Variants in CAMTA1 observed in about 807,000 individuals in gnomAD.
The protein encoded by CAMTA1 is calmodulin binding transcription activator 1.
A neutral mutation model predicts 170.9 loss-of-function variants in CAMTA1; 27 were observed. That is an observed-to-expected ratio of 0.16 (90% CI 0.12 to 0.22). CAMTA1 has a LOEUF of 0.22. Ranked by LOEUF, CAMTA1 falls within the 10% of genes least tolerant of loss-of-function variation. CAMTA1 has a pLI of 1.00. For missense variants in CAMTA1, 1,619 were observed against 2,217.2 expected (o/e 0.73, Z 5.42); for synonymous variants, 833 against 891.5 (o/e 0.93, Z 1.17).
chr1:6,872,076 A>G (rs981843147), intron 3 of CAMTA1: 1 of 715,990 alleles, frequency 1.4e-6, no homozygotes. Flanking sequence ...GCATTTCCCC[A>G]TACAGTATAT....
At chr1:7,699,750 G>GCATTTC (rs1263906520) in intron 11 of CAMTA1, among the ~76,000 whole-genome samples, 1 of 152,154 alleles carries the variant, frequency 6.6e-6, no homozygotes, top group Admixed American at 6.5e-5. Context: ...GTTTTGATTT[G>GCATTTC]CATTTCCTCA....
chr1:6,936,330 G>A (rs574451262), intron 3 of CAMTA1, among the ~76,000 whole-genome samples: 108 of 152,348 alleles, frequency 7.1e-4, no homozygotes, highest in African/African-American at 2.5e-3. Context: ...TTAGTACAAA[G>A]TGATGGCATT....
rs558955624 is a variant in CAMTA1 at position 7,721,707 on chromosome 1, G to A, written c.2915-10741G>A. 1.2e-4 allele frequency among the ~76,000 whole-genome samples: 18 copies of A among 152,240 alleles called. 1 individual carries two copies. Among genetic ancestry groups the A allele is most frequent in the African/African-American group, 4.3e-4 (18 of 41,558 alleles). On this transcript the variant is annotated intron_variant, in intron 11 of 22. Coordinates refer to ENST00000303635, the MANE Select transcript of CAMTA1 (RefSeq NM_015215.4). Reference sequence around the variant, plus strand: ...ATTTTATTTTGTATGTTCAGGAGGAGGGATTTATTTTACCTTATTTTTATT... The same window carrying A: ...ATTTTATTTTGTATGTTCAGGAGGAAGGATTTATTTTACCTTATTTTTATT...
At position 7,767,806 on chromosome 1, in the gene CAMTA1, C is replaced by T. The variant is rs2097032112; in HGVS notation, c.*1315C>T. The T allele has an allele frequency of 7.4e-6, 1 of 135,430 alleles. No homozygotes were observed. The highest frequency in any genetic ancestry group is 8.0e-5 in the Admixed American group (1 of 12,442). The allele number at this position is 135,430 out of a possible 1,614,324, so 8.4% of individuals were successfully genotyped here. ...ATAAGAGTACTTTATTTTAAATGTT[C>T]TTTAGGAGAACATTTTGCTAAAGCA... On this transcript the variant is annotated 3_prime_UTR_variant, in exon 23 of 23. Coordinates refer to ENST00000303635, the MANE Select transcript of CAMTA1 (RefSeq NM_015215.4).
chr1:7,577,310 T>C (rs1486542456), intron 6 of CAMTA1, among the ~76,000 whole-genome samples: 2 of 152,042 alleles, frequency 1.3e-5, no homozygotes, highest in Non-Finnish European at 2.9e-5. Context: ...GGCCCCCCCT[T>C]GTGCTTATTT....
At position 7,747,917 on chromosome 1, in the gene CAMTA1, T is replaced by A. The variant is rs542333935; in HGVS notation, c.4689+136T>A. ...TTTGTTTTTTGGTTGTTTTTTTTTT[T>A]TTATTTTTTTTTTGAAACGGAGTCT... On this transcript the variant is annotated intron_variant, in intron 19 of 22. Coordinates refer to ENST00000303635, the MANE Select transcript of CAMTA1 (RefSeq NM_015215.4). 27 of 571,394 alleles carry A rather than the reference T, an allele frequency of 4.7e-5. 1 individual carries two copies. The highest frequency in any genetic ancestry group is 2.7e-4 in the Middle Eastern group (1 of 3,702). 35.4% of individuals were successfully genotyped at this position (571,394 alleles called of 1,614,324 possible). A position where few individuals can be genotyped will look rare whatever the true frequency, so the allele number is the denominator to read the frequency against.
chr1:7,655,059 AACACACCCACCTATACAC>A (rs1376328570), intron 7 of CAMTA1, among the ~76,000 whole-genome samples: 9 of 85,348 alleles, frequency 1.1e-4, no homozygotes, highest in African/African-American at 3.3e-4. Flanking sequence ...CACCTATACA[AACACACCCACCTATACAC>A]ACACACCCAC....
intron 6 of CAMTA1, among the ~76,000 whole-genome samples, chr1:7,543,412 G>C (rs1399820821): frequency 6.6e-6 from 1 of 152,134 alleles, no homozygotes; most frequent in African/African-American, 2.4e-5. Context: ...CATTTACCCC[G>C]AGATAGCTTT....
chr1:6,943,953 C>A (rs533808369), intron 3 of CAMTA1, among the ~76,000 whole-genome samples: 20 of 151,656 alleles, frequency 1.3e-4, no homozygotes, highest in Admixed American at 1.2e-3. Context: ...GTGGTACCAT[C>A]ACCATCTCCA....
intron 4 of CAMTA1, among the ~76,000 whole-genome samples, chr1:7,222,143 C>T (rs767292620): frequency 1.8e-4 from 28 of 152,162 alleles, no homozygotes; most frequent in Non-Finnish European, 3.1e-4. Flanking sequence ...GGACCAAGCA[C>T]GATTTCCAGC....
At chr1:6,836,984 C>G (rs1042435524) in intron 3 of CAMTA1, among the ~76,000 whole-genome samples, 1 of 149,192 alleles carries the variant, frequency 6.7e-6, no homozygotes, top group Non-Finnish European at 1.5e-5. Flanking sequence ...GTTGCATAGG[C>G]TGGAGTGCAG....
chr1:7,750,621 C>T (rs1396426050), intron 19 of CAMTA1, among the ~76,000 whole-genome samples: 2 of 152,326 alleles, frequency 1.3e-5, no homozygotes, highest in Middle Eastern at 3.4e-3. Flanking sequence ...CCAGGTTTCA[C>T]GGCTTCACCA....
intron 5 of CAMTA1, among the ~76,000 whole-genome samples, chr1:7,381,407 C>T (rs1221434967): frequency 6.7e-6 from 1 of 150,244 alleles, no homozygotes; most frequent in Admixed American, 6.7e-5. Context: ...ATGCGGTGTT[C>T]GGTTTTTTGT....
intron 3 of CAMTA1, chr1:6,871,778 T>G: frequency 2.0e-6 from 3 of 1,534,910 alleles, no homozygotes. Flanking sequence ...CAGCCGTCCT[T>G]TTGGATTTCT....
intron 11 of CAMTA1, among the ~76,000 whole-genome samples, chr1:7,688,003 C>T (rs1576882490): frequency 2.0e-5 from 2 of 99,124 alleles, no homozygotes; most frequent in South Asian, 7.3e-4. Context: ...GTCGGACTCT[C>T]ATTATTCCTT....
chr1:7,496,975 G>A (rs2093838492), intron 6 of CAMTA1, among the ~76,000 whole-genome samples: 1 of 151,296 alleles, frequency 6.6e-6, no homozygotes, highest in African/African-American at 2.4e-5. Flanking sequence ...GCACAGCCCG[G>A]GAAGGGAGGC....
chr1:7,732,953 G>A lies in CAMTA1; in HGVS notation c.3066+354G>A, dbSNP rs1039461812. On this transcript the variant is annotated intron_variant, in intron 12 of 22. Transcript: ENST00000303635. This position sits in a 1 kb window ranked among gnomAD's most constrained non-coding sequence, Gnocchi z 4.1. ...TCACGCCTATAATCCCAGCGCTGTAGGAGGCCAAGACGGGAGGATTGCTTG... is the reference window on the plus strand; with the variant it reads ...TCACGCCTATAATCCCAGCGCTGTAAGAGGCCAAGACGGGAGGATTGCTTG... Among the ~76,000 whole-genome samples the A allele has an allele frequency of 2.6e-5, 4 of 152,180 alleles. No individual in the cohort carries two copies. Among genetic ancestry groups the A allele is most frequent in the African/African-American group, 9.7e-5 (4 of 41,428 alleles).
At chr1:6,963,687 C>G (rs1557894063) in intron 3 of CAMTA1, among the ~76,000 whole-genome samples, 1 of 152,204 alleles carries the variant, frequency 6.6e-6, no homozygotes, top group Non-Finnish European at 1.5e-5. Flanking sequence ...CCTCCCCAGA[C>G]CTGGTGGGGC....
intron 6 of CAMTA1, among the ~76,000 whole-genome samples, chr1:7,603,568 A>G (rs1242894957): frequency 1.3e-5 from 2 of 152,048 alleles, no homozygotes; most frequent in African/African-American, 2.4e-5. Context: ...TTTTGAGCCT[A>G]TGTGTGTCTC....
Sources: allele counts gnomAD v4.1 joint callset (sites outside exome capture counted in the v4.1 genomes callset), GRCh38; gene constraint gnomAD v4.1.1; non-coding constraint Gnocchi (gnomAD v3.1); transcripts MANE v1.5; gene names NCBI Gene and HGNC (gene_info 2026-07-23, HGNC 2026-07-21).